The following TCHP variants were observed in gnomAD, a reference collection of about 807,000 sequenced individuals.
TCHP encodes the protein trichoplein keratin filament-binding protein.
In TCHP, 81 loss-of-function variants were observed where a neutral mutation model predicts 88.7. The ratio of observed to expected loss-of-function variants is 0.91; its 90% CI spans 0.76 to 1.10. The LOEUF is 1.10. Among genes scored for constraint, TCHP ranks in the 50% least tolerant of loss-of-function variants. TCHP has a pLI of 0.00. For missense variants in TCHP, 641 were observed against 632.1 expected, an observed-to-expected ratio of 1.01 and a Z score of -0.15; for synonymous variants, 232 against 232.5, an observed-to-expected ratio of 1.00 and a Z score of 0.02.
upstream of TCHP, chr12:109,900,223 A>C (rs1001408559): frequency 3.9e-5 from 6 of 152,286 alleles, no homozygotes; most frequent in Non-Finnish European, 7.3e-5. Context: ...GCACCAGAGA[A>C]AAACACAGGC....
In TCHP at chr12:109,903,142, G is replaced by A. The variant is rs370844769; in HGVS notation, c.116G>A (p.Arg39His). 2.4e-5 allele frequency: 38 copies of A among 1,613,904 alleles called. No homozygotes were observed. The highest frequency in any genetic ancestry group is 3.3e-4 in the Middle Eastern group (2 of 6,084). The change falls in exon 2 of 13, where the codon CGT becomes CAT. Residue 39 changes from arginine to histidine, a missense_variant. Physicochemically the swap from Arg to His is conservative, Grantham distance 29. Coordinates refer to ENST00000405876, the MANE Select transcript of TCHP (RefSeq NM_001143852.2). This position sits in a 1 kb window ranked among gnomAD's most constrained non-coding sequence, Gnocchi z 4.6. Reference protein sequence around the residue: ...RLRQQWEQNSRYFRMSDICSS... With the variant: ...RLRQQWEQNSHYFRMSDICSS... ...CGGCAGCAGTGGGAGCAGAACAGCC[G>A]TTACTTCAGGATGTCTGACATCTGC...
Position 109,911,090 on chromosome 12 carries a change from C to G in TCHP, c.907C>G (p.Leu303Val), listed in dbSNP as rs368484225. The G allele has an allele frequency of 2.5e-6, 4 of 1,594,358 alleles. No homozygotes were observed. The African/African-American group carries it at 4.0e-5, about 16-fold the overall frequency. ...LEADRRILQA[L>V]LEKEDESQRL... ...GGCAGACAGGCGGATCCTGCAGGCC[C>G]TCCTCGAGAAGGAGGACGAGAGCCA... Residue 303 changes from leucine (L) to valine (V), a missense_variant, in exon 9 of 13, where the codon CTC (leucine) becomes GTC (valine). Transcript: ENST00000405876.
Position 109,916,771 on chromosome 12 carries a change from C to G in TCHP, c.*148C>G. On this transcript the variant is annotated 3_prime_UTR_variant, in exon 13 of 13. Transcript: ENST00000405876. ...TGCCTGCTCAGGTTCATCATTGAAACATCCCAGTGTTTGGCCAGACATTAA... is the reference window on the plus strand; with the variant it reads ...TGCCTGCTCAGGTTCATCATTGAAAGATCCCAGTGTTTGGCCAGACATTAA... 1.4e-6 allele frequency: 1 copy of G among 714,034 alleles called. No individual in the cohort carries two copies. Among genetic ancestry groups the G allele is most frequent in the South Asian group, 1.8e-5 (1 of 54,360 alleles). 44.2% of individuals were successfully genotyped at this position (714,034 alleles called of 1,614,324 possible).
chr12:109,902,943 A>G lies in TCHP; in HGVS notation c.1-84A>G, dbSNP rs539579744. 30 of 1,125,146 alleles carry G rather than the reference A, an allele frequency of 2.7e-5. No homozygotes were observed. In the African/African-American group the frequency reaches 4.5e-4, roughly 17 times the overall value. The allele number at this position is 1,125,146 out of a possible 1,614,324, so 69.7% of individuals were successfully genotyped here. A position where few individuals can be genotyped will look rare whatever the true frequency, so the allele number is the denominator to read the frequency against. On this transcript the variant is annotated intron_variant, in intron 1 of 12. Coordinates refer to ENST00000405876, the MANE Select transcript of TCHP (RefSeq NM_001143852.2). The stretch of plus-strand genomic sequence containing the variant: ...TTCACTGTGCAGCCAAGGGGTGGTG[A>G]CCACTCGTTAAAGGGATGAGGCCAA...
intron 4 of TCHP, among the ~76,000 whole-genome samples, chr12:109,906,234 T>C (rs1870115956): frequency 6.6e-6 from 1 of 152,222 alleles, no homozygotes; most frequent in South Asian, 2.1e-4. Flanking sequence ...GGGCCTGGCA[T>C]GCAGTACATC....
Position 109,908,695 on chromosome 12 carries a change from T to C in TCHP, c.809T>C (p.Leu270Pro). Residue 270 changes from leucine to proline, a missense_variant, in exon 7 of 13, where the codon CTG (leucine) becomes CCG (proline). Coordinates refer to ENST00000405876, the MANE Select transcript of TCHP (RefSeq NM_001143852.2). ...GAAGCCTTCCGGCAGAAGGCAGAGCTGGGGTGTGTGTCAGAAGGGCCCCCC... is the reference window on the plus strand; with the variant it reads ...GAAGCCTTCCGGCAGAAGGCAGAGCCGGGGTGTGTGTCAGAAGGGCCCCCC... ...QMEAFRQKAE[L>P]GRFLRHQYNA... 6.3e-7 allele frequency: 1 copy of C among 1,592,236 alleles called. No homozygotes were observed. The highest frequency in any genetic ancestry group is 8.5e-7 in the Non-Finnish European group (1 of 1,170,654).
At chr12:109,908,006 C>G (rs918717993) in intron 6 of TCHP, among the ~76,000 whole-genome samples, 10 of 152,162 alleles carry the variant, frequency 6.6e-5, no homozygotes, top group African/African-American at 2.4e-4. Context: ...ACTGAGTAGA[C>G]ACAATTTAAT....
chr12:109,915,347 A>G, intron 11 of TCHP, 56 bp from the exon 12 acceptor site: 1 of 1,613,172 alleles, frequency 6.2e-7, no homozygotes, highest in Non-Finnish European at 8.5e-7. Context: ...CATCAGAGGC[A>G]GGGCTCTGCC....
chr12:109,903,257 C>T lies in TCHP; in HGVS notation c.188+43C>T, dbSNP rs1869921703. 2 of 1,569,394 alleles carry T rather than the reference C, an allele frequency of 1.3e-6. No homozygotes were observed. Among genetic ancestry groups the T allele is most frequent in the South Asian group, 1.2e-5 (1 of 86,332 alleles). On this transcript the variant is annotated intron_variant, in intron 2 of 12. Transcript: ENST00000405876. The surrounding 1 kb of genome is among the most constrained non-coding windows in gnomAD (Gnocchi z 4.6). The stretch of plus-strand genomic sequence containing the variant: ...GCCGATTGGATGGAAGTGGGGACCA[C>T]TTGCTGGTCAGGGGATGAGGCCTTA...
upstream of TCHP, among the ~76,000 whole-genome samples, chr12:109,898,027 G>A (rs1592902239): frequency 6.6e-6 from 1 of 152,242 alleles, no homozygotes; most frequent in South Asian, 2.1e-4. Context: ...GGGATTAATG[G>A]GAGGGAAACT....
chr12:109,882,102 T>G, the TCHP span, among the ~76,000 whole-genome samples: 1 of 152,134 alleles, frequency 6.6e-6, no homozygotes, highest in African/African-American at 2.4e-5. Flanking sequence ...AACAGTGTAG[T>G]GACGGAGGAT....
chr12:109,883,353 C>T, the TCHP span, among the ~76,000 whole-genome samples: 1 of 152,102 alleles, frequency 6.6e-6, no homozygotes, highest in Non-Finnish European at 1.5e-5. Flanking sequence ...TTTAATCTTT[C>T]AGAGGGCAGG....
intron 4 of TCHP, 117 bp from the exon 5 acceptor site, chr12:109,906,455 C>T: frequency 1.2e-6 from 1 of 853,562 alleles, no homozygotes; most frequent in Non-Finnish European, 1.9e-6. Context: ...ACTGAGTCCC[C>T]ATGAAGCGAA....
At chr12:109,906,019 C>G (rs1178525322) in intron 4 of TCHP, among the ~76,000 whole-genome samples, 1 of 152,156 alleles carries the variant, frequency 6.6e-6, no homozygotes, top group African/African-American at 2.4e-5. Flanking sequence ...AAACAGTTTC[C>G]CAAACAAAAG....
the TCHP span, among the ~76,000 whole-genome samples, chr12:109,888,647 C>T: frequency 6.6e-5 from 10 of 152,140 alleles, no homozygotes; most frequent in African/African-American, 2.2e-4. Context: ...ATCCAATAAA[C>T]GCACCTTCTT....
At chr12:109,880,959 C>A in the TCHP span, among the ~76,000 whole-genome samples, 1 of 152,200 alleles carries the variant, frequency 6.6e-6, no homozygotes, top group South Asian at 2.1e-4. This position sits in a 1 kb window ranked among gnomAD's most constrained non-coding sequence, Gnocchi z 5.1. Flanking sequence ...TCGCTACAAC[C>A]GACGAGGACG....
chr12:109,905,017 G>T lies in TCHP; in HGVS notation c.456+224G>T. ...ACCTCCGCTGCCTGGTCTGCCAGGT[G>T]CGGGCATGGAGATTAGACATGGTTT... On this transcript the variant is annotated intron_variant, in intron 4 of 12. Coordinates refer to ENST00000405876, the MANE Select transcript of TCHP (RefSeq NM_001143852.2). The surrounding 1 kb of genome is among the most constrained non-coding windows in gnomAD (Gnocchi z 4.0). 1 of 551,066 alleles carries T rather than the reference G, an allele frequency of 1.8e-6. No homozygotes were observed. Among genetic ancestry groups the T allele is most frequent in the Non-Finnish European group, 3.2e-6 (1 of 310,362 alleles). 34.1% of individuals were successfully genotyped at this position (551,066 alleles called of 1,614,324 possible). A position where few individuals can be genotyped will look rare whatever the true frequency, so the allele number is the denominator to read the frequency against.
chr12:109,884,786 T>C, the TCHP span, among the ~76,000 whole-genome samples: 1 of 152,200 alleles, frequency 6.6e-6, no homozygotes, highest in Non-Finnish European at 1.5e-5. Flanking sequence ...CATCTGAGCA[T>C]AAGTTGCTGA....
At chr12:109,892,510 G>A in the TCHP span, among the ~76,000 whole-genome samples, 1 of 152,210 alleles carries the variant, frequency 6.6e-6, no homozygotes. Context: ...AAGGTTCAAG[G>A]CTGAGAAGAT....
Sources: gnomAD v4.1 joint callset for allele counts (sites outside exome capture counted in the v4.1 genomes callset) on GRCh38, gnomAD v4.1.1 for gene constraint, Gnocchi (gnomAD v3.1) non-coding constraint, MANE v1.5 for transcripts, NCBI Gene and HGNC (gene_info 2026-07-23, HGNC 2026-07-21) for gene names.